The following CACNA2D1 variants were observed in gnomAD, a reference collection of about 807,000 sequenced individuals.
The protein encoded by CACNA2D1 is calcium voltage-gated channel auxiliary subunit alpha2delta 1, also known as voltage-dependent calcium channel subunit alpha-2/delta-1.
A neutral mutation model predicts 171.5 loss-of-function variants in CACNA2D1; 53 were observed. The ratio of observed to expected loss-of-function variants is 0.31; its 90% CI spans 0.25 to 0.39. The LOEUF is 0.39. Among genes scored for constraint, CACNA2D1 ranks in the 10% least tolerant of loss-of-function variants. The probability of loss-of-function intolerance (pLI) is 1.00; values close to 1 mark genes in which losing one functional copy is unlikely to be tolerated. For synonymous variants in CACNA2D1, 442 were observed against 443.1 expected (o/e 1.00, Z 0.03); for missense variants, 903 against 1,299.8 (o/e 0.69, Z 4.69).
At chr7:82,409,063 G>T (rs1437788876) in intron 1 of CACNA2D1, among the ~76,000 whole-genome samples, 2 of 151,606 alleles carry the variant, frequency 1.3e-5, no homozygotes, top group African/African-American at 2.4e-5. Flanking sequence ...ATTGTACCTA[G>T]CTGTGAGGCA....
chr7:82,134,371 T>G (rs1323273082), intron 5 of CACNA2D1, among the ~76,000 whole-genome samples: 1 of 152,196 alleles, frequency 6.6e-6, no homozygotes, highest in African/African-American at 2.4e-5. Context: ...AGTTCAAATT[T>G]TAATAGGTGT....
chr7:82,058,820 G>T (rs906141784), intron 10 of CACNA2D1, among the ~76,000 whole-genome samples: 6 of 152,052 alleles, frequency 3.9e-5, no homozygotes, highest in African/African-American at 1.4e-4. Flanking sequence ...GTTTCACAGG[G>T]CTCCTTGTAA....
At chr7:82,127,913 T>C (rs1373155825) in intron 5 of CACNA2D1, among the ~76,000 whole-genome samples, 2 of 152,100 alleles carry the variant, frequency 1.3e-5, no homozygotes, top group Non-Finnish European at 2.9e-5. Flanking sequence ...GCATAGTTTG[T>C]TTTGTTTTCT....
chr7:82,097,894 A>G (rs1368011893), intron 6 of CACNA2D1, among the ~76,000 whole-genome samples: 1 of 127,624 alleles, frequency 7.8e-6, no homozygotes, highest in African/African-American at 2.7e-5. Flanking sequence ...CAGGCAGATC[A>G]CTTGAGGTCA....
intron 27 of CACNA2D1, among the ~76,000 whole-genome samples, chr7:81,970,406 G>C (rs992128268): frequency 6.6e-6 from 1 of 151,460 alleles, no homozygotes; most frequent in South Asian, 2.1e-4. Flanking sequence ...GGTTTAGCTT[G>C]TATCTACAAA....
intron 5 of CACNA2D1, among the ~76,000 whole-genome samples, chr7:82,119,983 A>G (rs1038061296): frequency 5.3e-5 from 8 of 152,142 alleles, no homozygotes; most frequent in Non-Finnish European, 1.2e-4. Context: ...GGAGTTCAAG[A>G]ACATCCTGGA....
At chr7:81,999,667 G>T (rs1007528350) in intron 18 of CACNA2D1, among the ~76,000 whole-genome samples, 5 of 151,972 alleles carry the variant, frequency 3.3e-5, no homozygotes, top group Non-Finnish European at 7.4e-5. Context: ...ATATTGTTAA[G>T]AGTTACATGC....
At chr7:82,149,630 G>C (rs116058520) in intron 4 of CACNA2D1, among the ~76,000 whole-genome samples, 2,374 of 152,108 alleles carry the variant, frequency 0.016, 54 homozygotes, top group African/African-American at 0.053. Context: ...GCTTAGAGGA[G>C]GAAGCTATAA....
At chr7:82,184,169 C>CTTTTTTTTT (rs72155870) in intron 3 of CACNA2D1, among the ~76,000 whole-genome samples, 7 of 127,422 alleles carry the variant, frequency 5.5e-5, no homozygotes, top group Non-Finnish European at 4.9e-5. Context: ...TCGGTTTCCT[C>CTTTTTTTTT]TTTTTTTTTT....
Position 82,413,466 on chromosome 7 carries a change from G to C in CACNA2D1, c.95+29899C>G, listed in dbSNP as rs150691468. The stretch of plus-strand genomic sequence containing the variant: ...CCCACATCTCCCTGGGGAGCCCCAG[G>C]ACAATGGCTGACATTGGGTTTGGCT... On this transcript the variant is annotated intron_variant, in intron 1 of 38. Coordinates refer to ENST00000356860, the MANE Select transcript of CACNA2D1 (RefSeq NM_000722.4). Among the ~76,000 whole-genome samples, 540 of 152,266 alleles carry C rather than the reference G, an allele frequency of 3.5e-3. 3 individuals are homozygous for C. The highest frequency in any genetic ancestry group is 0.012 in the African/African-American group (511 of 41,558).
intron 1 of CACNA2D1, among the ~76,000 whole-genome samples, chr7:82,411,914 C>T (rs1011755937): frequency 1.3e-5 from 2 of 151,818 alleles, no homozygotes; most frequent in Non-Finnish European, 2.9e-5. Context: ...CACACACACA[C>T]ACACACACAC....
At chr7:82,168,913 T>C (rs1274291138) in intron 4 of CACNA2D1, among the ~76,000 whole-genome samples, 1 of 152,048 alleles carries the variant, frequency 6.6e-6, no homozygotes, top group Non-Finnish European at 1.5e-5. Context: ...GTGTGTCTGT[T>C]TTGAGTTCTC....
intron 1 of CACNA2D1, among the ~76,000 whole-genome samples, chr7:82,384,166 A>G (rs2129449719): frequency 6.6e-6 from 1 of 152,312 alleles, no homozygotes; most frequent in Non-Finnish European, 1.5e-5. Flanking sequence ...AGACGTCACC[A>G]GGGGTATTTT....
intron 5 of CACNA2D1, among the ~76,000 whole-genome samples, chr7:82,131,976 TGA>T (rs1451466154): frequency 1.3e-5 from 2 of 152,174 alleles, no homozygotes; most frequent in Admixed American, 6.6e-5. Flanking sequence ...TCTAACTTCA[TGA>T]GATAAGTAAC....
At chr7:82,348,942 A>G (rs1819553724) in intron 2 of CACNA2D1, among the ~76,000 whole-genome samples, 1 of 152,180 alleles carries the variant, frequency 6.6e-6, no homozygotes, top group Non-Finnish European at 1.5e-5. Context: ...ACCCATGGAA[A>G]ATAATCTAGT....
intron 3 of CACNA2D1, among the ~76,000 whole-genome samples, chr7:82,189,386 T>C (rs1376910727): frequency 1.3e-5 from 2 of 152,070 alleles, no homozygotes; most frequent in African/African-American, 4.8e-5. Context: ...TAGCTGATAG[T>C]GCTCTAAGTT....
intron 6 of CACNA2D1, among the ~76,000 whole-genome samples, chr7:82,085,521 TAAA>T (rs1333024522): frequency 2.3e-5 from 3 of 131,250 alleles, no homozygotes; most frequent in Admixed American, 7.9e-5. Flanking sequence ...CCTGCTACCT[TAAA>T]AAAAAAAAAA....
At chr7:81,955,976 A>ATTT (rs1793257682) in intron 38 of CACNA2D1, among the ~76,000 whole-genome samples, 2 of 73,604 alleles carry the variant, frequency 2.7e-5, no homozygotes, top group Non-Finnish European at 4.9e-5. Context: ...ATATATATAT[A>ATTT]TATATTTTTT....
chr7:82,432,640 A>G (rs2237532), intron 1 of CACNA2D1, among the ~76,000 whole-genome samples: 99,668 of 152,082 alleles, frequency 0.66, 33,716 homozygotes, highest in African/African-American at 0.82. Context: ...CCCAAATTCC[A>G]GTGGTTTTTT....
Sources: allele counts gnomAD v4.1 joint callset (sites outside exome capture counted in the v4.1 genomes callset), GRCh38; gene constraint gnomAD v4.1.1; transcripts MANE v1.5; gene names NCBI Gene and HGNC (gene_info 2026-07-23, HGNC 2026-07-21).